Variants in SLC35D1 observed in about 807,000 individuals in gnomAD.
SLC35D1 encodes nucleotide sugar transporter SLC35D1.
SLC35D1 carries 31 observed loss-of-function variants against 46.7 expected under a neutral mutation model. The observed-to-expected ratio is 0.66, with a 90% CI of 0.50 to 0.90. The LOEUF (loss-of-function observed/expected upper bound fraction) is 0.90, where lower values mean the gene tolerates loss of function less well. SLC35D1 is among the 40% of genes least tolerant of loss of function. The pLI, the probability that SLC35D1 is intolerant of heterozygous loss-of-function variation, is 0.00. For missense variants in SLC35D1, 397 were observed against 426.2 expected, an observed-to-expected ratio of 0.93 and a Z score of 0.60; for synonymous variants, 195 against 164.6, an observed-to-expected ratio of 1.18 and a Z score of -1.41.
At chr1:66,988,936 GAGAC>G in the SLC35D1 span, among the ~76,000 whole-genome samples, 1 of 152,154 alleles carries the variant, frequency 6.6e-6, no homozygotes, top group South Asian at 2.1e-4. Context: ...TCTGAGTACA[GAGAC>G]AGCAAAAAGA....
At chr1:66,981,448 C>G in the SLC35D1 span, among the ~76,000 whole-genome samples, 2 of 152,138 alleles carry the variant, frequency 1.3e-5, no homozygotes, top group South Asian at 4.1e-4. Context: ...TGTACTTTTA[C>G]TAGACATCAC....
intron 8 of SLC35D1, among the ~76,000 whole-genome samples, chr1:67,032,992 G>A (rs781396823): frequency 2.6e-5 from 4 of 152,248 alleles, no homozygotes; most frequent in South Asian, 2.1e-4. Context: ...ATGAGAACAC[G>A]TGAAGTTTGT....
chr1:66,994,929 A>C (rs545340073), downstream of SLC35D1, among the ~76,000 whole-genome samples: 15 of 151,786 alleles, frequency 9.9e-5, no homozygotes, highest in South Asian at 1.4e-3. Flanking sequence ...AAGAAAAAAA[A>C]AAAAAAAGAA....
chr1:67,013,366 G>A (rs1453798427), intron 10 of SLC35D1, among the ~76,000 whole-genome samples: 2 of 150,936 alleles, frequency 1.3e-5, no homozygotes, highest in East Asian at 3.9e-4. Flanking sequence ...GGGCAACATG[G>A]CAAAACCCTG....
At chr1:67,016,640 T>C (rs1266232800) in intron 10 of SLC35D1, among the ~76,000 whole-genome samples, 1 of 152,068 alleles carries the variant, frequency 6.6e-6, no homozygotes, top group African/African-American at 2.4e-5. Flanking sequence ...TTTACAACAA[T>C]TGGGTAAAAT....
chr1:67,004,386 G>A lies in SLC35D1; in HGVS notation c.1022C>T (p.Ser341Leu). 2 of 1,614,054 alleles carry A rather than the reference G, an allele frequency of 1.2e-6. No homozygotes were observed. The highest frequency in any genetic ancestry group is 1.7e-6 in the Non-Finnish European group (2 of 1,179,968). ...TFTEEQLSKQ[S>L]EANNKLDIKG... is the part of the protein sequence containing the mutation. Reference sequence around the variant, plus strand: ...AATGTCCAGCTTGTTATTAGCCTCTGACTGTTTGCTCAGCTGCTCTTCAGT... The same window carrying A: ...AATGTCCAGCTTGTTATTAGCCTCTAACTGTTTGCTCAGCTGCTCTTCAGT... Residue 341 changes from serine to leucine, a missense_variant, in exon 12 of 12, where the codon TCA (serine) becomes TTA (leucine). Physicochemically the swap from Ser to Leu is moderately radical, Grantham distance 145. Coordinates refer to ENST00000235345, the MANE Select transcript of SLC35D1 (RefSeq NM_015139.3).
At chr1:66,992,989 G>GT in the SLC35D1 span, among the ~76,000 whole-genome samples, 1 of 152,362 alleles carries the variant, frequency 6.6e-6, no homozygotes, top group African/African-American at 2.4e-5. Context: ...TTGAGAAGTT[G>GT]TAAGACTTGC....
chr1:67,050,814 C>A (rs1280273892), intron 4 of SLC35D1, among the ~76,000 whole-genome samples: 2 of 152,096 alleles, frequency 1.3e-5, no homozygotes, highest in African/African-American at 4.8e-5. Context: ...CATTTTTTCA[C>A]TAGTCTGACC....
At chr1:66,984,277 C>T in the SLC35D1 span, among the ~76,000 whole-genome samples, 1 of 152,198 alleles carries the variant, frequency 6.6e-6, no homozygotes, top group African/African-American at 2.4e-5. Flanking sequence ...ATGCTTTTAA[C>T]ATATGCCAAA....
intron 10 of SLC35D1, among the ~76,000 whole-genome samples, chr1:67,012,751 T>C (rs376648935): frequency 6.6e-6 from 1 of 152,132 alleles, no homozygotes; most frequent in East Asian, 1.9e-4. Context: ...AGATCCCCTG[T>C]GGGATTCACA....
intron 6 of SLC35D1, 84 bp from the exon 7 acceptor site, chr1:67,047,451 G>C: frequency 8.8e-7 from 1 of 1,131,464 alleles, no homozygotes; most frequent in Non-Finnish European, 1.3e-6. Flanking sequence ...ATATTTACAA[G>C]AACATATTCT....
chr1:66,995,571 GAGCCTATT>G (rs1177255003), downstream of SLC35D1, among the ~76,000 whole-genome samples: 1 of 150,568 alleles, frequency 6.6e-6, no homozygotes, highest in Admixed American at 6.7e-5. Context: ...GAGGGCAGGG[GAGCCTATT>G]TCAGATAGGC....
chr1:66,983,716 A>G, the SLC35D1 span, among the ~76,000 whole-genome samples: 6 of 152,124 alleles, frequency 3.9e-5, no homozygotes, highest in Non-Finnish European at 8.8e-5. Flanking sequence ...ACTTAGGTAA[A>G]TAGTGTGTGA....
chr1:67,020,332 T>C (rs772767038), intron 10 of SLC35D1, 37 bp downstream of exon 10: 35 of 1,323,484 alleles, frequency 2.6e-5, no homozygotes, highest in Non-Finnish European at 3.7e-5. Flanking sequence ...TTTCAAATAA[T>C]GCAGGTACCA....
chr1:67,012,868 T>G (rs1191386312), intron 10 of SLC35D1, among the ~76,000 whole-genome samples: 1 of 152,072 alleles, frequency 6.6e-6, no homozygotes, highest in Non-Finnish European at 1.5e-5. Flanking sequence ...GGCTCAGTAT[T>G]CATGTGACTT....
In SLC35D1 at chr1:67,004,370, C is replaced by T. The variant is rs1187406090; in HGVS notation, c.1038G>A (p.Lys346=). Residue 346 remains lysine, a synonymous_variant, in exon 12 of 12, where the codon AAG becomes AAA. Coordinates refer to ENST00000235345, the MANE Select transcript of SLC35D1 (RefSeq NM_015139.3). ...CTGCTCCTTTCCCCTTAATGTCCAG[C>T]TTGTTATTAGCCTCTGACTGTTTGC... ...QLSKQSEANN[K]LDIKGKGAV The T allele has an allele frequency of 6.2e-7, 1 of 1,614,012 alleles. No individual in the cohort carries two copies.
chr1:67,040,697 C>G (rs976360816), intron 8 of SLC35D1, among the ~76,000 whole-genome samples: 1 of 152,152 alleles, frequency 6.6e-6, no homozygotes, highest in African/African-American at 2.4e-5. Context: ...GCTAAGCACT[C>G]TCACCTCAGG....
rs901000790 is a variant in SLC35D1 at position 67,052,773 on chromosome 1, T to G, written c.322A>C (p.Lys108Gln). The stretch of plus-strand genomic sequence containing the variant: ...AAGTATCGCTTTTCTTCTTTTACCT[T>G]TCGAGGTACATTTCTGTCAAGGTCA... ...FPDLDRNVPR[K>Q]TFPLPLLYFG... is the part of the protein sequence containing the mutation. Residue 108 changes from lysine (K) to glutamine (Q), a missense_variant and splice_region_variant, in exon 3 of 12, where the codon AAG becomes CAG. By Grantham distance (53) the Lys-to-Gln change is moderately conservative. Transcript: ENST00000235345. 1 of 1,613,986 alleles carries G rather than the reference T, an allele frequency of 6.2e-7. No individual in the cohort carries two copies. Among genetic ancestry groups the G allele is most frequent in the African/African-American group, 1.3e-5 (1 of 74,924 alleles).
chr1:67,004,400 C>T lies in SLC35D1; in HGVS notation c.1008G>A (p.Gln336=), dbSNP rs1176954912. The stretch of plus-strand genomic sequence containing the variant: ...TATTAGCCTCTGACTGTTTGCTCAG[C>T]TGCTCTTCAGTGAAAGTGATATAGG... ...VYSYITFTEE[Q]LSKQSEANNK... is the part of the protein sequence containing the mutation. The change falls in exon 12 of 12, where the codon CAG becomes CAA. Residue 336 remains glutamine, a synonymous_variant. Transcript: ENST00000235345. The T allele has an allele frequency of 6.2e-7, 1 of 1,614,100 alleles. No individual in the cohort carries two copies. The highest frequency in any genetic ancestry group is 1.1e-5 in the South Asian group (1 of 91,090).
Sources: gnomAD v4.1 joint callset for allele counts (sites outside exome capture counted in the v4.1 genomes callset) on GRCh38, gnomAD v4.1.1 for gene constraint, MANE v1.5 for transcripts, NCBI Gene and HGNC (gene_info 2026-07-23, HGNC 2026-07-21) for gene names.